Variants in ATP8A1 observed in about 807,000 individuals in gnomAD.
ATP8A1 encodes ATPase phospholipid transporting 8A1, also known as phospholipid-transporting ATPase IA.
Under a neutral mutation model 177.7 loss-of-function variants are expected in ATP8A1, and 90 were observed. The observed-to-expected ratio is 0.51, with a 90% CI of 0.43 to 0.60. The LOEUF is 0.60. Among genes scored for constraint, ATP8A1 ranks in the 20% least tolerant of loss-of-function variants. The probability of loss-of-function intolerance (pLI) is 0.00; values close to 1 mark genes in which losing one functional copy is unlikely to be tolerated. For synonymous variants in ATP8A1, 493 were observed against 485.9 expected (o/e 1.01, Z -0.19); for missense variants, 1,072 against 1,392.8 (o/e 0.77, Z 3.67).
intron 16 of ATP8A1, among the ~76,000 whole-genome samples, chr4:42,555,137 CT>C (rs1423614412): frequency 1.8e-5 from 1 of 55,300 alleles, no homozygotes; most frequent in East Asian, 4.1e-4. Flanking sequence ...ATCTATCTAT[CT>C]AATCTATCTA....
At chr4:42,446,214 T>C (rs1009574866) in intron 31 of ATP8A1, among the ~76,000 whole-genome samples, 1 of 152,188 alleles carries the variant, frequency 6.6e-6, no homozygotes, top group Middle Eastern at 3.4e-3. Flanking sequence ...TTCTACCCAC[T>C]GCTCTGCTTT....
chr4:42,493,053 G>A (rs1384352343), intron 24 of ATP8A1, among the ~76,000 whole-genome samples: 1 of 152,244 alleles, frequency 6.6e-6, no homozygotes, highest in Non-Finnish European at 1.5e-5. Context: ...GCAGACACAT[G>A]CGAATTACCA....
chr4:42,542,106 G>C (rs926979090), intron 20 of ATP8A1, among the ~76,000 whole-genome samples: 3 of 152,040 alleles, frequency 2.0e-5, no homozygotes, highest in Non-Finnish European at 4.4e-5. Context: ...ATAATGGGGA[G>C]GCTATGTGTG....
chr4:42,648,364 G>T (rs1740756651), intron 1 of ATP8A1, among the ~76,000 whole-genome samples: 1 of 151,892 alleles, frequency 6.6e-6, no homozygotes, highest in South Asian at 2.1e-4. Flanking sequence ...GGTGGCGGCG[G>T]GTGGGGTGGG....
intron 30 of ATP8A1, among the ~76,000 whole-genome samples, chr4:42,450,082 T>C (rs888240506): frequency 2.6e-5 from 4 of 152,134 alleles, no homozygotes; most frequent in Non-Finnish European, 4.4e-5. Context: ...GACCTCCATA[T>C]CCTGTTGCTC....
At chr4:42,561,712 G>C (rs1264074799) in intron 15 of ATP8A1, 1 of 152,252 alleles carries the variant, frequency 6.6e-6, no homozygotes, top group Non-Finnish European at 1.5e-5. Flanking sequence ...CTCAACAGAA[G>C]TCACTGGCTC....
chr4:42,487,334 T>C (rs2153189606), intron 24 of ATP8A1, among the ~76,000 whole-genome samples: 1 of 152,278 alleles, frequency 6.6e-6, no homozygotes, highest in Non-Finnish European at 1.5e-5. Flanking sequence ...TCAATACATT[T>C]AGTTTTTCTC....
Position 42,552,601 on chromosome 4 carries a change from G to A in ATP8A1, c.1423C>T (p.Pro475Ser). Reference sequence around the variant, plus strand: ...ATTGTAAGAAATTCACATATTATAGGTGCAGTTGGCTGTGAAAAATAAACA... The same window carrying A: ...ATTGTAAGAAATTCACATATTATAGATGCAGTTGGCTGTGAAAAATAAACA... ...ENLQNNHPTA[P>S]IICEFLTMMA... The change falls in exon 17 of 37, where the codon CCT becomes TCT. Residue 475 changes from proline (P) to serine (S), a missense_variant. Around this residue, in one of 5 missense-constraint regions of ATP8A1, gnomAD observed 388 missense variants for 471.7 expected, o/e 0.82. Coordinates refer to ENST00000381668, the MANE Select transcript of ATP8A1 (RefSeq NM_006095.2). 1 of 1,612,320 alleles carries A rather than the reference G, an allele frequency of 6.2e-7. No individual in the cohort carries two copies. Among genetic ancestry groups the A allele is most frequent in the Non-Finnish European group, 8.5e-7 (1 of 1,179,218 alleles).
At chr4:42,590,909 T>TAA (rs1734103446) in intron 6 of ATP8A1, 25 bp from the exon 7 acceptor site, 2 of 1,434,606 alleles carry the variant, frequency 1.4e-6, no homozygotes, top group Non-Finnish European at 1.8e-6. Context: ...ATAAAATAAT[T>TAA]AAAATGGCCA....
In ATP8A1 at chr4:42,431,475, T is replaced by C. The variant is rs1444062676; in HGVS notation, c.3124-7770A>G. Among the ~76,000 whole-genome samples, 3 of 141,080 alleles carry C rather than the reference T, an allele frequency of 2.1e-5. No individual in the cohort carries two copies. The East Asian group carries it at 6.0e-4, about 28-fold the overall frequency. The allele number at this position is 141,080 out of a possible 152,430, so 92.6% of individuals were successfully genotyped here. On this transcript the variant is annotated intron_variant, in intron 33 of 36. Transcript: ENST00000381668. ...CATTTTTGTCAAATTTTCTAGTTTT[T>C]CTCCTACTAACCATTCACATAACTG...
chr4:42,466,153 A>G (rs1471244695), intron 25 of ATP8A1, among the ~76,000 whole-genome samples: 1 of 152,170 alleles, frequency 6.6e-6, no homozygotes, highest in Non-Finnish European at 1.5e-5. Context: ...AAGACAGGAA[A>G]ACTACACAAT....
intron 22 of ATP8A1, among the ~76,000 whole-genome samples, chr4:42,514,891 C>T (rs1725374083): frequency 6.6e-6 from 1 of 152,186 alleles, no homozygotes; most frequent in South Asian, 2.1e-4. Context: ...GATGAAATTA[C>T]ACCAGTTATC....
intron 29 of ATP8A1, 89 bp downstream of exon 29, chr4:42,455,208 C>G: frequency 6.6e-7 from 1 of 1,518,610 alleles, no homozygotes; most frequent in Non-Finnish European, 8.9e-7. Flanking sequence ...CTAGTGTATC[C>G]TTGGCCTTTG....
chr4:42,446,547 T>C (rs775396687), intron 31 of ATP8A1, 36 bp downstream of exon 31: 2 of 1,593,258 alleles, frequency 1.3e-6, no homozygotes, highest in Non-Finnish European at 1.7e-6. Flanking sequence ...AAGGTTTTGA[T>C]TTTACACGCA....
chr4:42,550,811 T>C (rs1253700865), intron 18 of ATP8A1, among the ~76,000 whole-genome samples: 5 of 152,170 alleles, frequency 3.3e-5, no homozygotes, highest in Non-Finnish European at 7.4e-5. Flanking sequence ...TCCATATAGC[T>C]TCTCTTGTGA....
chr4:42,600,000 C>T (rs1049480733), intron 6 of ATP8A1, among the ~76,000 whole-genome samples: 1 of 152,162 alleles, frequency 6.6e-6, no homozygotes, highest in Non-Finnish European at 1.5e-5. Context: ...ACAAATTAAT[C>T]TTTGATGTTA....
At chr4:42,419,556 A>G (rs1713627755) in intron 35 of ATP8A1, among the ~76,000 whole-genome samples, 1 of 152,202 alleles carries the variant, frequency 6.6e-6, no homozygotes, top group Non-Finnish European at 1.5e-5. Context: ...TGGAGTGCCT[A>G]GTCTGTAAGA....
intron 15 of ATP8A1, among the ~76,000 whole-genome samples, chr4:42,566,775 C>T (rs1041207521): frequency 1.3e-5 from 2 of 152,188 alleles, no homozygotes; most frequent in African/African-American, 4.8e-5. Context: ...TATAACCAGG[C>T]TGATGTAGGT....
At chr4:42,549,991 T>A (rs1403718194) in intron 18 of ATP8A1, among the ~76,000 whole-genome samples, 1 of 152,160 alleles carries the variant, frequency 6.6e-6, no homozygotes, top group African/African-American at 2.4e-5. Context: ...CAGAGTCAAA[T>A]GAAAATTGTG....
Sources: gnomAD v4.1 joint callset for allele counts (sites outside exome capture counted in the v4.1 genomes callset) on GRCh38, gnomAD v4.1.1 for gene constraint, gnomAD v4.1.1 regional missense constraint, MANE v1.5 for transcripts, NCBI Gene and HGNC (gene_info 2026-07-23, HGNC 2026-07-21) for gene names.